The following AKAP6 variants were observed in gnomAD, a reference collection of about 807,000 sequenced individuals.
AKAP6 encodes A-kinase anchor protein 6.
Under a neutral mutation model 188.5 loss-of-function variants are expected in AKAP6, and 58 were observed. The ratio of observed to expected loss-of-function variants is 0.31; its 90% CI spans 0.25 to 0.38. AKAP6 has a LOEUF of 0.38. AKAP6 is among the 10% of genes least tolerant of loss of function. The pLI, the probability that AKAP6 is intolerant of heterozygous loss-of-function variation, is 1.00. For synonymous variants in AKAP6, 989 were observed against 998.6 expected (o/e 0.99, Z 0.18); for missense variants, 2,710 against 2,740.0 (o/e 0.99, Z 0.24).
chr14:32,449,372 A>G (rs948352531), intron 2 of AKAP6, among the ~76,000 whole-genome samples: 2 of 151,988 alleles, frequency 1.3e-5, no homozygotes, highest in East Asian at 3.9e-4. Context: ...CAAACAAAAA[A>G]TTAGGCAGGC....
chr14:32,799,787 G>A (rs377755211), intron 12 of AKAP6, among the ~76,000 whole-genome samples: 1 of 152,010 alleles, frequency 6.6e-6, no homozygotes, highest in Non-Finnish European at 1.5e-5. Context: ...GTATTCTTCT[G>A]TTGTTGGATC....
chr14:32,377,952 A>C (rs1351993551), intron 1 of AKAP6, among the ~76,000 whole-genome samples: 3 of 152,194 alleles, frequency 2.0e-5, no homozygotes, highest in African/African-American at 7.2e-5. Flanking sequence ...ATTGAAAATT[A>C]TGCAGAGAGG....
At chr14:32,769,257 A>G (rs1400675378) in intron 11 of AKAP6, among the ~76,000 whole-genome samples, 1 of 151,406 alleles carries the variant, frequency 6.6e-6, no homozygotes, top group Non-Finnish European at 1.5e-5. Flanking sequence ...TGTGTTGGAT[A>G]GGCTGGTCTT....
intron 4 of AKAP6, among the ~76,000 whole-genome samples, chr14:32,552,886 C>T (rs1435698069): frequency 6.6e-6 from 1 of 152,098 alleles, no homozygotes; most frequent in Non-Finnish European, 1.5e-5. Context: ...TGATAAAATA[C>T]TGAAAAATAT....
chr14:32,466,070 G>A (rs555096511), intron 2 of AKAP6, among the ~76,000 whole-genome samples: 35 of 152,268 alleles, frequency 2.3e-4, no homozygotes, highest in African/African-American at 7.2e-4. Flanking sequence ...AAAAAGTCAG[G>A]AAACAACAGA....
chr14:32,770,563 G>C (rs1333495855), intron 11 of AKAP6, among the ~76,000 whole-genome samples: 2 of 152,026 alleles, frequency 1.3e-5, no homozygotes, highest in Non-Finnish European at 2.9e-5. Flanking sequence ...CTGCTTCACT[G>C]TCTCTCCCCA....
chr14:32,346,134 T>TGGGA (rs1344582021), intron 1 of AKAP6, among the ~76,000 whole-genome samples: 1 of 152,036 alleles, frequency 6.6e-6, no homozygotes, highest in African/African-American at 2.4e-5. Flanking sequence ...AGAGCATTAG[T>TGGGA]GGGAGGGGCC....
Position 32,719,558 on chromosome 14 carries a change from G to A in AKAP6, c.3001-12896G>A, listed in dbSNP as rs117678309. Among the ~76,000 whole-genome samples, 91 of 152,186 alleles carry A rather than the reference G, an allele frequency of 6.0e-4. 2 individuals carry two copies. In the East Asian group the frequency reaches 0.016, roughly 26 times the overall value. ...ATCTCTTTGAGGAAATATCAACAGAGTTAACATAAGAAATATATAGTTTCT... is the reference window on the plus strand; with the variant it reads ...ATCTCTTTGAGGAAATATCAACAGAATTAACATAAGAAATATATAGTTTCT... On this transcript the variant is annotated intron_variant, in intron 9 of 13. Coordinates refer to ENST00000280979, the MANE Select transcript of AKAP6 (RefSeq NM_004274.5).
At chr14:32,696,145 G>A (rs746615908) in intron 9 of AKAP6, 35 bp downstream of exon 9, 49 of 1,573,078 alleles carry the variant, frequency 3.1e-5, no homozygotes, top group Non-Finnish European at 4.1e-5. Flanking sequence ...ACCTTGCTGT[G>A]GAAGATCTGA....
intron 9 of AKAP6, among the ~76,000 whole-genome samples, chr14:32,707,971 A>G (rs1890883504): frequency 6.6e-6 from 1 of 152,056 alleles, no homozygotes; most frequent in Non-Finnish European, 1.5e-5. Context: ...CCCATGTCTG[A>G]GACATAAATG....
Position 32,830,080 on chromosome 14 carries a change from C to T in AKAP6, c.*275C>T. 1.5e-6 allele frequency: 1 copy of T among 660,418 alleles called. No individual in the cohort carries two copies. Among genetic ancestry groups the T allele is most frequent in the Non-Finnish European group, 2.8e-6 (1 of 362,864 alleles). The allele number at this position is 660,418 out of a possible 1,614,324, so 40.9% of individuals were successfully genotyped here. ...CTTGTTCTCCCATGGATTCCTGTCC[C>T]AAGCTACCTCTACCAACCCTCTCTC... On this transcript the variant is annotated 3_prime_UTR_variant, in exon 14 of 14. Transcript: ENST00000280979.
chr14:32,605,754 C>A (rs945604632), intron 7 of AKAP6, among the ~76,000 whole-genome samples: 7 of 152,148 alleles, frequency 4.6e-5, no homozygotes, highest in African/African-American at 1.7e-4. Context: ...TGAAATGCAT[C>A]TCCAAGCACA....
intron 2 of AKAP6, among the ~76,000 whole-genome samples, chr14:32,452,011 A>ATTTTTTTT (rs61035125): frequency 1.5e-5 from 1 of 66,194 alleles, no homozygotes; most frequent in Non-Finnish European, 2.5e-5. Context: ...TTTTCTTTAC[A>ATTTTTTTT]TTTTTTTTTT....
chr14:32,604,500 T>C (rs1886056847), intron 7 of AKAP6, among the ~76,000 whole-genome samples: 1 of 152,208 alleles, frequency 6.6e-6, no homozygotes, highest in Non-Finnish European at 1.5e-5. Context: ...AGAATGCTCA[T>C]GCTTTCTATT....
At chr14:32,540,409 G>A (rs939513912) in intron 3 of AKAP6, among the ~76,000 whole-genome samples, 1 of 151,676 alleles carries the variant, frequency 6.6e-6, no homozygotes, top group African/African-American at 2.4e-5. Context: ...ATGTTGCCCA[G>A]GTTAGTCTTG....
chr14:32,461,452 T>C (rs966970509), intron 2 of AKAP6, among the ~76,000 whole-genome samples: 1 of 152,182 alleles, frequency 6.6e-6, no homozygotes, highest in African/African-American at 2.4e-5. Flanking sequence ...AGTGGACCTC[T>C]AGCAAACTGT....
intron 5 of AKAP6, among the ~76,000 whole-genome samples, chr14:32,583,553 G>T (rs1370612749): frequency 6.6e-6 from 1 of 152,220 alleles, no homozygotes; most frequent in South Asian, 2.1e-4. Flanking sequence ...CTGTCTTTTT[G>T]TTTGTCTGTG....
chr14:32,797,956 A>C (rs2033824237), intron 12 of AKAP6, among the ~76,000 whole-genome samples: 1 of 151,764 alleles, frequency 6.6e-6, no homozygotes, highest in Non-Finnish European at 1.5e-5. Context: ...AACAGAGCAA[A>C]CAACCTACAG....
chr14:32,651,276 T>A (rs150564212), intron 7 of AKAP6, among the ~76,000 whole-genome samples: 224 of 152,272 alleles, frequency 1.5e-3, no homozygotes, highest in Non-Finnish European at 1.1e-3. Context: ...TTCATGATTA[T>A]TGTAGTGTCA....
Sources: allele counts gnomAD v4.1 joint callset (sites outside exome capture counted in the v4.1 genomes callset), GRCh38; gene constraint gnomAD v4.1.1; transcripts MANE v1.5; gene names NCBI Gene and HGNC (gene_info 2026-07-23, HGNC 2026-07-21).